Variants in ITK observed in about 807,000 individuals in gnomAD.
The protein encoded by ITK is IL2 inducible T cell kinase.
In ITK, 45 loss-of-function variants were observed where a neutral mutation model predicts 87.6. The observed-to-expected ratio is 0.51, with a 90% CI of 0.40 to 0.66. The LOEUF (loss-of-function observed/expected upper bound fraction) is 0.66, where lower values mean the gene tolerates loss of function less well. Ranked by LOEUF, ITK falls within the 30% of genes least tolerant of loss-of-function variation. The pLI is 0.00. For synonymous variants in ITK, 303 were observed against 273.6 expected, an observed-to-expected ratio of 1.11 and a Z score of -1.06; for missense variants, 605 against 766.3, an observed-to-expected ratio of 0.79 and a Z score of 2.48.
intron 7 of ITK, among the ~76,000 whole-genome samples, chr5:157,231,382 A>G (rs1036826112): frequency 6.6e-6 from 1 of 152,184 alleles, no homozygotes; most frequent in Non-Finnish European, 1.5e-5. Flanking sequence ...AGCCACTACT[A>G]TCGCTGATGG....
intron 15 of ITK, 36 bp from the exon 16 acceptor site, chr5:157,248,814 T>A: frequency 6.2e-7 from 1 of 1,613,706 alleles, no homozygotes; most frequent in Non-Finnish European, 8.5e-7. Context: ...CTGTGGGCTT[T>A]GTCATTCACT....
chr5:157,227,431 C>T (rs1402966725), intron 6 of ITK, among the ~76,000 whole-genome samples: 2 of 152,166 alleles, frequency 1.3e-5, no homozygotes, highest in African/African-American at 4.8e-5. Context: ...CTGGCTTTAT[C>T]CTTTTTTTCT....
chr5:157,213,769 A>G (rs1233442103), intron 3 of ITK: 1 of 350,994 alleles, frequency 2.8e-6, no homozygotes, highest in Non-Finnish European at 5.6e-6. Flanking sequence ...CCACAAACCT[A>G]GAAGGGAGAA....
At chr5:157,236,685 A>C (rs928130212) in intron 8 of ITK, among the ~76,000 whole-genome samples, 4 of 152,168 alleles carry the variant, frequency 2.6e-5, no homozygotes, top group African/African-American at 9.7e-5. Flanking sequence ...GTAGGAACAG[A>C]GTGTTAGATA....
At chr5:157,245,038 A>G (rs1754994441) in intron 13 of ITK, 1 of 173,570 alleles carries the variant, frequency 5.8e-6, no homozygotes, top group Non-Finnish European at 1.3e-5. Flanking sequence ...ACCCTGGCCA[A>G]CATGGTGAAA....
chr5:157,232,196 T>G, intron 7 of ITK, 144 bp from the exon 8 acceptor site: 1 of 657,636 alleles, frequency 1.5e-6, no homozygotes, highest in Non-Finnish European at 2.7e-6. Context: ...GCAGACTTGT[T>G]AAATAAATAA....
At chr5:157,200,405 G>A (rs1227070382) in intron 1 of ITK, among the ~76,000 whole-genome samples, 4 of 152,214 alleles carry the variant, frequency 2.6e-5, no homozygotes, top group African/African-American at 9.6e-5. Context: ...TGGCTTTTGT[G>A]TGGTTTCCTT....
chr5:157,233,964 T>TA (rs1491125187), intron 8 of ITK, among the ~76,000 whole-genome samples: 152 of 16,614 alleles, frequency 9.1e-3, no homozygotes, highest in South Asian at 0.023. Flanking sequence ...TATATATATA[T>TA]TTTTTTTTTT....
intron 4 of ITK, 39 bp downstream of exon 4, chr5:157,214,358 AC>A: frequency 6.3e-7 from 1 of 1,582,916 alleles, no homozygotes; most frequent in Non-Finnish European, 8.7e-7. Context: ...TTGTGAAATG[AC>A]CATAAAAAAG....
intron 1 of ITK, among the ~76,000 whole-genome samples, chr5:157,182,212 A>G (rs960213782): frequency 6.6e-6 from 1 of 152,200 alleles, no homozygotes; most frequent in African/African-American, 2.4e-5. Context: ...GGAAAATAAT[A>G]TTAGGTGCCT....
In ITK at chr5:157,240,655, C is replaced by T. The variant is rs185746016; in HGVS notation, c.985+460C>T. On this transcript the variant is annotated intron_variant, in intron 10 of 16. Transcript: ENST00000422843. The stretch of plus-strand genomic sequence containing the variant: ...GGCATCTTCTTGGCTTTTAGGGAGC[C>T]CTCAGGAAGCTTTCAGTCATGGCAG... 8.8e-4 allele frequency: 178 copies of T among 202,868 alleles called. 1 individual carries two copies. Among genetic ancestry groups the T allele is most frequent in the Middle Eastern group, 4.0e-3 (2 of 500 alleles). 12.6% of individuals were successfully genotyped at this position (202,868 alleles called of 1,614,324 possible).
intron 1 of ITK, among the ~76,000 whole-genome samples, chr5:157,205,290 G>A (rs1302418435): frequency 6.6e-6 from 1 of 152,062 alleles, no homozygotes. Flanking sequence ...AAGAGGCAGA[G>A]ACCTACTTTA....
chr5:157,190,285 T>A (rs1430859865), intron 1 of ITK, among the ~76,000 whole-genome samples: 1 of 152,242 alleles, frequency 6.6e-6, no homozygotes, highest in Non-Finnish European at 1.5e-5. Flanking sequence ...CCCCCCAAAC[T>A]TCATATATTT....
chr5:157,249,029 C>G lies in ITK; in HGVS notation c.1791+22C>G, dbSNP rs116663526. 1.1e-3 allele frequency: 1,752 copies of G among 1,609,198 alleles called. 8 individuals are homozygous for G. The African/African-American group carries it at 0.02, about 18-fold the overall frequency. On this transcript the variant is annotated intron_variant, in intron 16 of 16. Transcript: ENST00000422843. ...AGAGGTCAGTGGAGGAAGTGCTTCC[C>G]CATGCATTGTCGTATACAATTTGAG...
intron 1 of ITK, among the ~76,000 whole-genome samples, chr5:157,190,523 C>A (rs17575222): frequency 0.079 from 12,005 of 152,192 alleles, 504 homozygotes; most frequent in South Asian, 0.12. Context: ...TAATTGAGGT[C>A]AATTACTTGT....
intron 8 of ITK, among the ~76,000 whole-genome samples, chr5:157,233,058 G>A (rs1485373607): frequency 1.3e-5 from 2 of 152,244 alleles, no homozygotes; most frequent in African/African-American, 2.4e-5. Flanking sequence ...AAGGGCGAAA[G>A]GGAAGAGAAA....
At chr5:157,219,751 A>G (rs188474268) in intron 5 of ITK, among the ~76,000 whole-genome samples, 8 of 152,230 alleles carry the variant, frequency 5.3e-5, no homozygotes, top group African/African-American at 1.4e-4. Context: ...TCGGAACCCT[A>G]CTGCCCTCCC....
intron 2 of ITK, among the ~76,000 whole-genome samples, chr5:157,210,711 C>T (rs1166811656): frequency 8.7e-6 from 1 of 114,422 alleles, no homozygotes; most frequent in Non-Finnish European, 1.7e-5. Flanking sequence ...CACCCCACCA[C>T]AGTCCCCAGA....
rs568047314 is a variant in ITK at position 157,242,186 on chromosome 5, G to A, written c.1060+466G>A. On this transcript the variant is annotated intron_variant, in intron 11 of 16. Transcript: ENST00000422843. ...AAAATTCTTTGGAATACCTTTAGGC[G>A]TGGCATGATCTCCAGTGCCGCAGCC... 1.5e-3 allele frequency among the ~76,000 whole-genome samples: 222 copies of A among 152,288 alleles called. 2 individuals are homozygous for A. The highest frequency in any genetic ancestry group is 2.3e-3 in the Non-Finnish European group (158 of 68,026).
Sources: gnomAD v4.1 joint callset for allele counts (sites outside exome capture counted in the v4.1 genomes callset) on GRCh38, gnomAD v4.1.1 for gene constraint, MANE v1.5 for transcripts, NCBI Gene and HGNC (gene_info 2026-07-23, HGNC 2026-07-21) for gene names.